ZFHX3: variants seen among roughly 807,000 people sequenced by gnomAD.
The protein encoded by ZFHX3 is zinc finger homeobox 3, also known as zinc finger homeobox protein 3.
In ZFHX3, 42 loss-of-function variants were observed where a neutral mutation model predicts 279.1. The observed-to-expected ratio is 0.15, with a 90% CI of 0.12 to 0.19. The LOEUF is 0.19. ZFHX3 is among the 10% of genes least tolerant of loss of function. ZFHX3 has a pLI of 1.00. For missense variants in ZFHX3, 4,981 were observed against 4,754.0 expected, an observed-to-expected ratio of 1.05 and a Z score of -1.40; for synonymous variants, 2,293 against 1,957.8, an observed-to-expected ratio of 1.17 and a Z score of -4.52.
At chr16:73,025,391 T>C (rs1353690444) in intron 1 of ZFHX3, among the ~76,000 whole-genome samples, 1 of 152,156 alleles carries the variant, frequency 6.6e-6, no homozygotes, top group East Asian at 1.9e-4. Context: ...ATGGATTTGA[T>C]GTCAAGTGTC....
intron 4 of ZFHX3, among the ~76,000 whole-genome samples, chr16:73,316,430 C>T (rs1468361436): frequency 6.6e-6 from 1 of 152,194 alleles, no homozygotes; most frequent in Non-Finnish European, 1.5e-5. Context: ...AGGTCATCAC[C>T]TATGCTGGGC....
intron 1 of ZFHX3, among the ~76,000 whole-genome samples, chr16:73,833,560 C>T (rs1395111106): frequency 6.6e-6 from 1 of 151,652 alleles, no homozygotes; most frequent in African/African-American, 2.4e-5. Context: ...ACAATGAGAA[C>T]ACACGGATAC....
At chr16:72,911,909 T>C (rs921433702) in intron 3 of ZFHX3, among the ~76,000 whole-genome samples, 6 of 152,198 alleles carry the variant, frequency 3.9e-5, no homozygotes, top group Non-Finnish European at 7.3e-5. Flanking sequence ...ACTGCCACTT[T>C]AGAAACAAAA....
intron 2 of ZFHX3, among the ~76,000 whole-genome samples, chr16:73,658,284 A>G (rs2052742754): frequency 6.6e-6 from 1 of 152,188 alleles, no homozygotes; most frequent in African/African-American, 2.4e-5. Context: ...TAAAATAAAA[A>G]TCCTTCTAAT....
intron 1 of ZFHX3, among the ~76,000 whole-genome samples, chr16:73,681,819 C>T (rs1488272706): frequency 6.6e-6 from 1 of 152,188 alleles, no homozygotes; most frequent in Non-Finnish European, 1.5e-5. Flanking sequence ...GGTAGGCTTG[C>T]ATTTCTTCCT....
chr16:73,394,408 G>T (rs1303796423), intron 3 of ZFHX3, among the ~76,000 whole-genome samples: 1 of 151,872 alleles, frequency 6.6e-6, no homozygotes, highest in African/African-American at 2.4e-5. Context: ...TGATTTTTGT[G>T]CCTCATCCTC....
At chr16:73,841,543 C>T (rs1179978243) in intron 1 of ZFHX3, among the ~76,000 whole-genome samples, 1 of 152,150 alleles carries the variant, frequency 6.6e-6, no homozygotes, top group African/African-American at 2.4e-5. Context: ...GCACCAGTGA[C>T]AGCAGGGCAC....
chr16:72,934,270 CAA>C (rs1273900857), intron 3 of ZFHX3, among the ~76,000 whole-genome samples: 1 of 151,804 alleles, frequency 6.6e-6, no homozygotes, highest in African/African-American at 2.4e-5. Context: ...GTTAAAAATA[CAA>C]AAAAAGTTAG....
At chr16:72,829,967 G>A (rs567635983) in intron 4 of ZFHX3, 108 bp from the exon 5 acceptor site, 77 of 1,141,830 alleles carry the variant, frequency 6.7e-5, no homozygotes, top group East Asian at 9.6e-5. Context: ...CCAATGACTC[G>A]TCCCCCTTCT....
rs535520852 is a variant in ZFHX3 at position 72,966,693 on chromosome 16, G to A, written c.-49-6499C>T. On this transcript the variant is annotated intron_variant, in intron 1 of 9. Transcript: ENST00000268489. ...CACGGGTGCAGGGAAGAGAAGTCCC[G>A]TTGCAGGGCAAGGCAGCTATCCTCG... Among the ~76,000 whole-genome samples the A allele has an allele frequency of 1.4e-4, 21 of 152,314 alleles. No individual in the cohort carries two copies. The Middle Eastern group carries it at 0.01, about 74-fold the overall frequency.
At chr16:73,563,209 T>C (rs1254155003) in intron 2 of ZFHX3, among the ~76,000 whole-genome samples, 1 of 86,280 alleles carries the variant, frequency 1.2e-5, no homozygotes, top group Non-Finnish European at 3.1e-5. Flanking sequence ...TGTGTGTGTG[T>C]GTGTGTGTGT....
At chr16:73,013,679 T>C (rs975837324) in intron 1 of ZFHX3, among the ~76,000 whole-genome samples, 1 of 152,042 alleles carries the variant, frequency 6.6e-6, no homozygotes, top group African/African-American at 2.4e-5. Flanking sequence ...TAATGTCACA[T>C]TATTTGGGGG....
chr16:73,372,632 T>C (rs554598408), intron 3 of ZFHX3, among the ~76,000 whole-genome samples: 1 of 152,326 alleles, frequency 6.6e-6, no homozygotes, highest in South Asian at 2.1e-4. Flanking sequence ...GAAAGGGAAA[T>C]GTAAATTTCA....
chr16:73,257,983 G>C (rs2013706217), intron 4 of ZFHX3, among the ~76,000 whole-genome samples: 1 of 152,126 alleles, frequency 6.6e-6, no homozygotes, highest in Non-Finnish European at 1.5e-5. Flanking sequence ...CAGCATTTCT[G>C]GCCTCCAGAT....
chr16:73,451,118 T>A (rs1043526012), intron 3 of ZFHX3, among the ~76,000 whole-genome samples: 4 of 152,208 alleles, frequency 2.6e-5, no homozygotes, highest in African/African-American at 9.7e-5. Flanking sequence ...GGAGCAATGA[T>A]GCTGCCTCAG....
At chr16:73,741,693 T>C (rs1231778184) in intron 1 of ZFHX3, among the ~76,000 whole-genome samples, 1 of 152,212 alleles carries the variant, frequency 6.6e-6, no homozygotes, top group Admixed American at 6.5e-5. Flanking sequence ...CCCACATTTG[T>C]TTACTTATCT....
chr16:73,327,582 A>G (rs1353867775), intron 3 of ZFHX3, among the ~76,000 whole-genome samples: 1 of 152,250 alleles, frequency 6.6e-6, no homozygotes, highest in East Asian at 1.9e-4. Context: ...TGAATGAAAG[A>G]TGCTCCAAGG....
At chr16:73,843,805 G>C (rs548726294) in intron 1 of ZFHX3, among the ~76,000 whole-genome samples, 108 of 152,254 alleles carry the variant, frequency 7.1e-4, no homozygotes, top group African/African-American at 2.3e-3. Context: ...GGTCTCCTTC[G>C]CAGCTACTCA....
chr16:73,792,439 A>T (rs997278744), intron 1 of ZFHX3, among the ~76,000 whole-genome samples: 1 of 152,206 alleles, frequency 6.6e-6, no homozygotes, highest in African/African-American at 2.4e-5. Context: ...ATACTAAATC[A>T]CAGAAATAAT....
Sources: allele counts gnomAD v4.1 joint callset (sites outside exome capture counted in the v4.1 genomes callset), GRCh38; gene constraint gnomAD v4.1.1; transcripts MANE v1.5; gene names NCBI Gene and HGNC (gene_info 2026-07-23, HGNC 2026-07-21).